DPF3: variants seen among roughly 807,000 people sequenced by gnomAD.
DPF3 encodes the protein double PHD fingers 3.
DPF3 carries 18 observed loss-of-function variants against 56.8 expected under a neutral mutation model. That is an observed-to-expected ratio of 0.32 (90% CI 0.22 to 0.47). DPF3 has a LOEUF of 0.47. DPF3 is among the 20% of genes least tolerant of loss of function. DPF3 has a pLI of 1.00. For missense variants in DPF3, 403 were observed against 488.8 expected (o/e 0.82, Z 1.65); for synonymous variants, 188 against 180.2 (o/e 1.04, Z -0.35).
Position 72,836,546 on chromosome 14 carries a change from C to T in DPF3, c.32+57511G>A, listed in dbSNP as rs866270720. On this transcript the variant is annotated intron_variant, in intron 1 of 10. Transcript: ENST00000556509. ...GAGATTATGATTGCCCTGTGGTTGC[C>T]ATGCCTACTGTGATGTCACTCCTTT... 8.3e-5 allele frequency: 81 copies of T among 980,876 alleles called. 1 individual carries two copies. The South Asian group carries it at 9.0e-4, about 11-fold the overall frequency. The allele number at this position is 980,876 out of a possible 1,614,324, so 60.8% of individuals were successfully genotyped here.
At chr14:72,756,689 G>A (rs1034442015) in intron 2 of DPF3, among the ~76,000 whole-genome samples, 6 of 151,846 alleles carry the variant, frequency 4.0e-5, no homozygotes, top group African/African-American at 1.5e-4. Flanking sequence ...GCGCATGCCT[G>A]TAATCTCAGC....
At position 72,839,981 on chromosome 14, in the gene DPF3, C is replaced by T. The variant is rs560300343; in HGVS notation, c.32+54076G>A. The stretch of plus-strand genomic sequence containing the variant: ...ACAGACCCAGGCTTGAATTTCAGCA[C>T]CACTCAGTCACTGTGTGGTCTTGAG... On this transcript the variant is annotated intron_variant, in intron 1 of 10. Coordinates refer to ENST00000556509, the MANE Select transcript of DPF3 (RefSeq NM_001280542.3). Among the ~76,000 whole-genome samples the T allele has an allele frequency of 2.7e-3, 406 of 152,326 alleles. 3 individuals are homozygous for T. The highest frequency in any genetic ancestry group is 9.4e-3 in the African/African-American group (390 of 41,582).
intron 8 of DPF3, chr14:72,661,443 C>T (rs1886206030): frequency 4.1e-6 from 4 of 985,294 alleles, no homozygotes; most frequent in Non-Finnish European, 3.6e-6. Context: ...TTAGACTATT[C>T]GTGTGTTATT....
At chr14:72,665,481 C>T (rs561077590) in intron 8 of DPF3, among the ~76,000 whole-genome samples, 58 of 152,302 alleles carry the variant, frequency 3.8e-4, no homozygotes, top group African/African-American at 1.3e-3. Flanking sequence ...CACATACCTC[C>T]TGATGTAATG....
chr14:72,659,013 A>G (rs1319721325), intron 8 of DPF3, among the ~76,000 whole-genome samples: 1 of 152,038 alleles, frequency 6.6e-6, no homozygotes, highest in Non-Finnish European at 1.5e-5. Flanking sequence ...TGAAAAAAAA[A>G]AAGATCTGGG....
At chr14:72,629,104 T>A (rs545496910) in intron 9 of DPF3, among the ~76,000 whole-genome samples, 5 of 152,330 alleles carry the variant, frequency 3.3e-5, no homozygotes, top group African/African-American at 1.2e-4. Context: ...AATTATTGAT[T>A]TTTTAGCTAT....
At chr14:72,688,840 C>G (rs753831806) in intron 7 of DPF3, among the ~76,000 whole-genome samples, 1 of 152,134 alleles carries the variant, frequency 6.6e-6, no homozygotes. Flanking sequence ...GGGATGCAGC[C>G]CACATGCAGA....
chr14:72,634,742 C>A (rs1184490511), intron 8 of DPF3, among the ~76,000 whole-genome samples: 1 of 151,222 alleles, frequency 6.6e-6, no homozygotes, highest in Non-Finnish European at 1.5e-5. Flanking sequence ...GCTTGGAAAT[C>A]TAGATTTTTT....
chr14:72,713,549 T>C (rs1246255231), intron 6 of DPF3, among the ~76,000 whole-genome samples: 1 of 152,168 alleles, frequency 6.6e-6, no homozygotes, highest in East Asian at 1.9e-4. Context: ...CTGCAGCCTC[T>C]TCCCTCCTAT....
chr14:72,872,369 G>C (rs1044915862), intron 1 of DPF3, among the ~76,000 whole-genome samples: 3 of 152,178 alleles, frequency 2.0e-5, no homozygotes, highest in African/African-American at 7.2e-5. Context: ...TTCTGCAGCC[G>C]ACTTGAATTT....
rs950906818 is a variant in DPF3 at position 72,714,774 on chromosome 14, C to A, written c.526-273G>T. On this transcript the variant is annotated intron_variant, in intron 5 of 10. Transcript: ENST00000556509. ...ATTTTACAAACCAAAGGACTGAAGC[C>A]ATAGAGAGGTTAAGTAGCTTGCCCA... is the stretch of plus-strand genomic sequence containing the variant. Among the ~76,000 whole-genome samples, 25 of 152,270 alleles carry A rather than the reference C, an allele frequency of 1.6e-4. No homozygotes were observed. In the South Asian group the frequency reaches 1.7e-3, roughly 10 times the overall value.
At chr14:72,846,017 TAGG>T (rs1884735519) in intron 1 of DPF3, among the ~76,000 whole-genome samples, 1 of 152,134 alleles carries the variant, frequency 6.6e-6, no homozygotes, top group Non-Finnish European at 1.5e-5. Context: ...CCCAGCTCCC[TAGG>T]AGGTCTCACT....
chr14:72,718,163 C>CCTTA (rs10666445), intron 5 of DPF3, among the ~76,000 whole-genome samples: 44,085 of 151,880 alleles, frequency 0.29, 6,917 homozygotes, highest in East Asian at 0.46. Context: ...CACCTGGGTT[C>CCTTA]CTGTTTCCCA....
At chr14:72,840,787 G>A (rs1884513589) in intron 1 of DPF3, among the ~76,000 whole-genome samples, 1 of 152,192 alleles carries the variant, frequency 6.6e-6, no homozygotes, top group Non-Finnish European at 1.5e-5. Context: ...TTCCTTGACA[G>A]TATGTCCTAA....
At position 72,844,423 on chromosome 14, in the gene DPF3, T is replaced by C. The variant is rs972462112; in HGVS notation, c.32+49634A>G. ...AAAATTCCCCGTAAATATGTTTGCT[T>C]CTTTTTCCTGAATCACCCTCTTGTG... On this transcript the variant is annotated intron_variant, in intron 1 of 10. Coordinates refer to ENST00000556509, the MANE Select transcript of DPF3 (RefSeq NM_001280542.3). Among the ~76,000 whole-genome samples, 13 of 152,350 alleles carry C rather than the reference T, an allele frequency of 8.5e-5. No homozygotes were observed. The South Asian group carries it at 1.7e-3, about 19-fold the overall frequency.
chr14:72,720,886 TA>T (rs201016523), intron 5 of DPF3, among the ~76,000 whole-genome samples: 50 of 152,024 alleles, frequency 3.3e-4, no homozygotes, highest in African/African-American at 1.2e-3. Flanking sequence ...ACATTTTTTT[TA>T]AAAAAATAGA....
chr14:72,789,989 T>C (rs1892363485), intron 1 of DPF3, among the ~76,000 whole-genome samples: 1 of 151,956 alleles, frequency 6.6e-6, no homozygotes, highest in African/African-American at 2.4e-5. Flanking sequence ...GGGTGGCTCA[T>C]GCCTGTAATC....
At chr14:72,703,407 G>C (rs1209471589) in intron 6 of DPF3, among the ~76,000 whole-genome samples, 1 of 152,114 alleles carries the variant, frequency 6.6e-6, no homozygotes, top group East Asian at 1.9e-4. Flanking sequence ...AGAGTGTCCT[G>C]CTTATTTTGG....
intron 1 of DPF3, among the ~76,000 whole-genome samples, chr14:72,823,814 C>A (rs1434811814): frequency 6.6e-6 from 1 of 152,172 alleles, no homozygotes. Context: ...TTCTTACCTT[C>A]ATCTATGGGA....
Sources: allele counts gnomAD v4.1 joint callset (sites outside exome capture counted in the v4.1 genomes callset), GRCh38; gene constraint gnomAD v4.1.1; transcripts MANE v1.5; gene names NCBI Gene and HGNC (gene_info 2026-07-23, HGNC 2026-07-21).